HHAT: variants seen among roughly 807,000 people sequenced by gnomAD.
HHAT encodes protein-cysteine N-palmitoyltransferase HHAT.
Under a neutral mutation model 70.8 loss-of-function variants are expected in HHAT, and 47 were observed. The ratio of observed to expected loss-of-function variants is 0.66; its 90% CI spans 0.53 to 0.85. The LOEUF (loss-of-function observed/expected upper bound fraction) is 0.85, where lower values mean the gene tolerates loss of function less well. Among genes scored for constraint, HHAT ranks in the 40% least tolerant of loss-of-function variants. The pLI is 0.00. For missense variants in HHAT, 609 were observed against 604.8 expected, an observed-to-expected ratio of 1.01 and a Z score of -0.07; for synonymous variants, 228 against 247.6, an observed-to-expected ratio of 0.92 and a Z score of 0.74.
At chr1:210,620,344 G>C (rs1668585841) in intron 10 of HHAT, among the ~76,000 whole-genome samples, 1 of 152,146 alleles carries the variant, frequency 6.6e-6, no homozygotes, top group African/African-American at 2.4e-5. Flanking sequence ...AGAGATCCCT[G>C]ATGTCAAAAC....
At chr1:210,580,560 A>C (rs372402457) in intron 9 of HHAT, among the ~76,000 whole-genome samples, 3 of 141,088 alleles carry the variant, frequency 2.1e-5, no homozygotes, top group African/African-American at 5.3e-5. Context: ...TCATTGTTCA[A>C]TTCCCACTTA....
At chr1:210,667,043 G>A (rs1679043834) in intron 11 of HHAT, among the ~76,000 whole-genome samples, 1 of 150,108 alleles carries the variant, frequency 6.7e-6, no homozygotes, top group Admixed American at 6.7e-5. Context: ...TTGCACCACT[G>A]CACTCCAGCC....
intron 11 of HHAT, among the ~76,000 whole-genome samples, chr1:210,656,946 G>C (rs1676554441): frequency 6.6e-6 from 1 of 152,198 alleles, no homozygotes; most frequent in Non-Finnish European, 1.5e-5. Flanking sequence ...CTCTGAGCTT[G>C]GATGCCTCTA....
intron 6 of HHAT, among the ~76,000 whole-genome samples, chr1:210,411,058 G>A (rs552691414): frequency 6.6e-6 from 1 of 152,284 alleles, no homozygotes; most frequent in African/African-American, 2.4e-5. Flanking sequence ...AGATATTTGT[G>A]TCATTTTAGA....
At chr1:210,630,846 C>G (rs1670718655) in intron 11 of HHAT, 1 of 353,456 alleles carries the variant, frequency 2.8e-6, no homozygotes. Flanking sequence ...AGCTGCTGAG[C>G]CCTCTCGTCT....
At chr1:210,373,406 A>G (rs1191743859) in intron 3 of HHAT, among the ~76,000 whole-genome samples, 2 of 152,142 alleles carry the variant, frequency 1.3e-5, no homozygotes, top group Non-Finnish European at 2.9e-5. Flanking sequence ...TAAAATCATG[A>G]CATGACAGTT....
chr1:210,374,034 G>GTTAA (rs1273777615), intron 3 of HHAT: 1 of 152,200 alleles, frequency 6.6e-6, no homozygotes, highest in Non-Finnish European at 1.5e-5. Context: ...GAAAACAAGA[G>GTTAA]TTAACTGTCT....
At chr1:210,512,670 C>CA (rs34037290) in intron 8 of HHAT, among the ~76,000 whole-genome samples, 2,604 of 96,374 alleles carry the variant, frequency 0.027, 85 homozygotes, top group African/African-American at 0.078. Context: ...GACCTTGTCT[C>CA]AAAAAAAAAA....
At chr1:210,450,294 T>TC (rs1553374402) in intron 7 of HHAT, among the ~76,000 whole-genome samples, 3 of 144,600 alleles carry the variant, frequency 2.1e-5, no homozygotes, top group African/African-American at 5.1e-5. Context: ...GCGTCTCAGG[T>TC]GGGGGGGGTG....
rs550353255 is a variant in HHAT, at chr1:210,608,152, C to T, written c.1246-15374C>T. On this transcript the variant is annotated intron_variant, in intron 10 of 11. Coordinates refer to ENST00000261458, the MANE Select transcript of HHAT (RefSeq NM_018194.6). ...TGCATCTGCAGTGAAGACTCCATTT[C>T]GAGATTCCTCGTACATGTGTGTACG... 9.2e-5 allele frequency among the ~76,000 whole-genome samples: 14 copies of T among 152,138 alleles called. 2 individuals are homozygous for T. In the South Asian group the frequency reaches 2.9e-3, roughly 32 times the overall value.
At chr1:210,494,867 A>G (rs980183049) in intron 8 of HHAT, among the ~76,000 whole-genome samples, 3 of 152,004 alleles carry the variant, frequency 2.0e-5, no homozygotes, top group Non-Finnish European at 2.9e-5. Flanking sequence ...TTGCTTTTTG[A>G]CATCCGAGTA....
intron 9 of HHAT, among the ~76,000 whole-genome samples, chr1:210,549,528 G>T (rs2095511293): frequency 6.7e-6 from 1 of 148,724 alleles, no homozygotes; most frequent in Non-Finnish European, 1.5e-5. Context: ...GTGCTCAAAG[G>T]CCATTTGATG....
chr1:210,496,458 T>C (rs977956380), intron 8 of HHAT, among the ~76,000 whole-genome samples: 2 of 152,184 alleles, frequency 1.3e-5, no homozygotes, highest in Non-Finnish European at 2.9e-5. Context: ...CTTCTGTTAG[T>C]CACATCTAGC....
At chr1:210,661,850 G>A (rs1441986382) in intron 11 of HHAT, among the ~76,000 whole-genome samples, 2 of 152,148 alleles carry the variant, frequency 1.3e-5, no homozygotes, top group Non-Finnish European at 2.9e-5. Context: ...TGGGTGGCAG[G>A]GGGAGGGTAG....
At chr1:210,492,752 ATAATTT>A (rs1432634308) in intron 8 of HHAT, among the ~76,000 whole-genome samples, 2 of 152,202 alleles carry the variant, frequency 1.3e-5, no homozygotes, top group African/African-American at 4.8e-5. Flanking sequence ...AATAAGGAAT[ATAATTT>A]TAATAAAGGG....
At chr1:210,660,258 T>C (rs1233542960) in intron 11 of HHAT, among the ~76,000 whole-genome samples, 2 of 152,168 alleles carry the variant, frequency 1.3e-5, no homozygotes, top group Non-Finnish European at 2.9e-5. Context: ...ACAGCATTCC[T>C]ATACACCAAT....
chr1:210,470,580 G>A (rs1310170620), intron 8 of HHAT, among the ~76,000 whole-genome samples: 1 of 152,046 alleles, frequency 6.6e-6, no homozygotes, highest in Non-Finnish European at 1.5e-5. Flanking sequence ...ATTATGTTTC[G>A]CTTCCTGGAT....
chr1:210,585,506 C>T (rs1480401164), intron 9 of HHAT, among the ~76,000 whole-genome samples: 1 of 152,110 alleles, frequency 6.6e-6, no homozygotes, highest in Non-Finnish European at 1.5e-5. Context: ...TCCACCTCCT[C>T]CTCCCGGGTT....
intron 1 of HHAT, among the ~76,000 whole-genome samples, chr1:210,333,910 G>C (rs1286479612): frequency 1.3e-5 from 2 of 152,088 alleles, no homozygotes; most frequent in Non-Finnish European, 2.9e-5. Flanking sequence ...GCCCACCTTG[G>C]CCTCCCAAAG....
Sources: allele counts gnomAD v4.1 joint callset (sites outside exome capture counted in the v4.1 genomes callset), GRCh38; gene constraint gnomAD v4.1.1; transcripts MANE v1.5; gene names NCBI Gene and HGNC (gene_info 2026-07-23, HGNC 2026-07-21).